ATP2B2: variants seen among roughly 807,000 people sequenced by gnomAD.
ATP2B2 encodes ATPase plasma membrane Ca2+ transporting 2.
In ATP2B2, 15 loss-of-function variants were observed where a neutral mutation model predicts 120.0. The observed-to-expected ratio is 0.12, with a 90% CI of 0.08 to 0.19. ATP2B2 has a LOEUF of 0.19. Ranked by LOEUF, ATP2B2 falls within the 10% of genes least tolerant of loss-of-function variation. The pLI is 1.00. For missense variants in ATP2B2, 1,045 were observed against 1,719.8 expected (o/e 0.61, Z 6.94); for synonymous variants, 694 against 700.3 (o/e 0.99, Z 0.14).
chr3:10,491,591 C>G (rs1478624504), intron 1 of ATP2B2, among the ~76,000 whole-genome samples: 1 of 151,792 alleles, frequency 6.6e-6, no homozygotes, highest in Non-Finnish European at 1.5e-5. Flanking sequence ...GTAGGGCTGG[C>G]AGCAACAAGG....
chr3:10,455,451 T>G (rs1202014319), intron 1 of ATP2B2, among the ~76,000 whole-genome samples: 1 of 152,250 alleles, frequency 6.6e-6, no homozygotes, highest in Admixed American at 6.5e-5. Context: ...CTAACTTTGC[T>G]GGGCTTCCTC....
intron 2 of ATP2B2, among the ~76,000 whole-genome samples, chr3:10,616,334 G>A (rs142157340): frequency 6.6e-6 from 1 of 152,322 alleles, no homozygotes; most frequent in East Asian, 1.9e-4. Context: ...TATTCAGAAG[G>A]TGAGGATATA....
intron 2 of ATP2B2, among the ~76,000 whole-genome samples, chr3:10,547,506 C>T (rs2125506006): frequency 6.6e-6 from 1 of 152,312 alleles, no homozygotes; most frequent in East Asian, 1.9e-4. Context: ...ACAGTAACGA[C>T]AATGGTCGTA....
chr3:10,333,715 C>T (rs1006481478), intron 22 of ATP2B2, among the ~76,000 whole-genome samples: 5 of 152,096 alleles, frequency 3.3e-5, no homozygotes, highest in African/African-American at 7.2e-5. Context: ...AGGGGGAATG[C>T]GAGATTCTCC....
intron 2 of ATP2B2, among the ~76,000 whole-genome samples, chr3:10,437,157 G>A (rs549855575): frequency 6.6e-6 from 1 of 152,230 alleles, no homozygotes; most frequent in East Asian, 1.9e-4. Context: ...GGAGACCTGA[G>A]TTCTCATTTA....
At position 10,327,838 on chromosome 3, in the gene ATP2B2, G is replaced by C. The variant is rs898278864; in HGVS notation, c.*976C>G. On this transcript the variant is annotated 3_prime_UTR_variant, in exon 23 of 23. Transcript: ENST00000360273. ...TTGGCTTCTGCCTGAGCCTCTCACG[G>C]TAGTGACATTATTGAACGGAAATAG... The C allele has an allele frequency of 6.6e-6, 1 of 152,656 alleles. No individual in the cohort carries two copies. Among genetic ancestry groups the C allele is most frequent in the African/African-American group, 2.4e-5 (1 of 41,448 alleles). The allele number at this position is 152,656 out of a possible 1,614,324, so 9.5% of individuals were successfully genotyped here. A position where few individuals can be genotyped will look rare whatever the true frequency, so the allele number is the denominator to read the frequency against.
chr3:10,367,613 G>A lies in ATP2B2; in HGVS notation c.1659+4196C>T, dbSNP rs566054338. Among the ~76,000 whole-genome samples, 18 of 152,240 alleles carry A rather than the reference G, an allele frequency of 1.2e-4. 1 individual carries two copies. Among genetic ancestry groups the A allele is most frequent in the African/African-American group, 4.1e-4 (17 of 41,572 alleles). ...TCGTCTAAGCTTCACAACAGCCCTC[G>A]GACAAACAGCCTCATGGCAGAGGTG... is the stretch of plus-strand genomic sequence containing the variant. On this transcript the variant is annotated intron_variant, in intron 12 of 22. Transcript: ENST00000360273.
At chr3:10,352,537 G>T (rs921962255) in intron 14 of ATP2B2, among the ~76,000 whole-genome samples, 1 of 152,218 alleles carries the variant, frequency 6.6e-6, no homozygotes, top group African/African-American at 2.4e-5. Context: ...GTTGTTGAAG[G>T]GTTAGAGCAG....
At position 10,359,183 on chromosome 3, in the gene ATP2B2, G is replaced by GTTTA. The variant is rs562186429; in HGVS notation, c.1902-262_1902-259dup. Among the ~76,000 whole-genome samples, 299 of 152,300 alleles carry GTTTA rather than the reference G, an allele frequency of 2.0e-3. 2 individuals carry two copies. The highest frequency in any genetic ancestry group is 0.012 in the South Asian group (57 of 4,828). On this transcript the variant is annotated intron_variant, in intron 13 of 22. Transcript: ENST00000360273. ...AAATAACACTCCCACAGCTGAAATGGTTTACAAAGCACATAAAACTCAGGC... is the reference window on the plus strand; with the variant it reads ...AAATAACACTCCCACAGCTGAAATGGTTTATTTACAAAGCACATAAAACTCAGGC...
chr3:10,386,749 G>A (rs2061692718), intron 6 of ATP2B2, among the ~76,000 whole-genome samples: 1 of 151,680 alleles, frequency 6.6e-6, no homozygotes, highest in Admixed American at 6.5e-5. Context: ...CTGAGATGCT[G>A]GACTGCTCCC....
intron 2 of ATP2B2, among the ~76,000 whole-genome samples, chr3:10,549,844 A>T (rs1408158390): frequency 1.3e-5 from 2 of 152,338 alleles, no homozygotes; most frequent in African/African-American, 4.8e-5. Flanking sequence ...AGGGTGGTGA[A>T]CAATGGCCAG....
intron 2 of ATP2B2, among the ~76,000 whole-genome samples, chr3:10,428,234 A>G (rs1487109177): frequency 1.3e-5 from 2 of 152,334 alleles, no homozygotes; most frequent in Admixed American, 6.5e-5. Flanking sequence ...TGAGGATGAG[A>G]TGAGTCAGTA....
Position 10,375,711 on chromosome 3 carries a change from A to G in ATP2B2, c.1202-67T>C. The G allele has an allele frequency of 6.8e-7, 1 of 1,462,610 alleles. No homozygotes were observed. The highest frequency in any genetic ancestry group is 9.5e-7 in the Non-Finnish European group (1 of 1,053,698). 90.6% of individuals were successfully genotyped at this position (1,462,610 alleles called of 1,614,324 possible). A position where few individuals can be genotyped will look rare whatever the true frequency, so the allele number is the denominator to read the frequency against. ...GGAGGCTGGGGGTGGTGTGGACCAA[A>G]TCTTTGGCTGAAAGAGCTCCGGGTC... On this transcript the variant is annotated intron_variant, in intron 10 of 22. Transcript: ENST00000360273. This position sits in a 1 kb window ranked among gnomAD's most constrained non-coding sequence, Gnocchi z 4.2.
At chr3:10,621,703 G>A (rs2069554897) in intron 1 of ATP2B2, among the ~76,000 whole-genome samples, 1 of 152,210 alleles carries the variant, frequency 6.6e-6, no homozygotes, top group South Asian at 2.1e-4. Flanking sequence ...CTTTGAGCAG[G>A]CACAAAGCTA....
At chr3:10,585,157 C>T (rs1191236617) in intron 2 of ATP2B2, among the ~76,000 whole-genome samples, 2 of 152,092 alleles carry the variant, frequency 1.3e-5, no homozygotes, top group Admixed American at 6.6e-5. Context: ...GCACAGGTCA[C>T]GCCACACCTC....
chr3:10,504,789 G>C (rs777210760), intron 1 of ATP2B2, among the ~76,000 whole-genome samples: 1 of 152,106 alleles, frequency 6.6e-6, no homozygotes, highest in Non-Finnish European at 1.5e-5. Flanking sequence ...TGGGCTTCTG[G>C]GCAGAGGGTG....
chr3:10,412,502 G>C (rs2062645547), intron 2 of ATP2B2, among the ~76,000 whole-genome samples: 1 of 152,122 alleles, frequency 6.6e-6, no homozygotes, highest in Non-Finnish European at 1.5e-5. Flanking sequence ...CACACCCCCA[G>C]GCCTTTGCTC....
At chr3:10,331,926 C>T in intron 22 of ATP2B2, 1 of 1,498,718 alleles carries the variant, frequency 6.7e-7, no homozygotes, top group Non-Finnish European at 9.1e-7. Flanking sequence ...TTCAAGGAAG[C>T]CAAGAGTCTG....
At chr3:10,579,537 G>C (rs976215155) in intron 2 of ATP2B2, among the ~76,000 whole-genome samples, 11 of 152,232 alleles carry the variant, frequency 7.2e-5, no homozygotes, top group African/African-American at 2.7e-4. Context: ...AGCTGGGCAT[G>C]GTGGTGCACA....
Sources: gnomAD v4.1 joint callset for allele counts (sites outside exome capture counted in the v4.1 genomes callset) on GRCh38, gnomAD v4.1.1 for gene constraint, Gnocchi (gnomAD v3.1) non-coding constraint, MANE v1.5 for transcripts, NCBI Gene and HGNC (gene_info 2026-07-23, HGNC 2026-07-21) for gene names.